The following LRRC4C variants were observed in gnomAD, a reference collection of about 807,000 sequenced individuals.
LRRC4C encodes leucine-rich repeat-containing protein 4C.
LRRC4C carries 5 observed loss-of-function variants against 33.6 expected under a neutral mutation model. The ratio of observed to expected loss-of-function variants is 0.15; its 90% CI spans 0.08 to 0.31. The LOEUF (loss-of-function observed/expected upper bound fraction) is 0.31, where lower values mean the gene tolerates loss of function less well. Among genes scored for constraint, LRRC4C ranks in the 10% least tolerant of loss-of-function variants. LRRC4C has a pLI of 1.00. For synonymous variants in LRRC4C, 329 were observed against 302.0 expected (o/e 1.09, Z -0.93); for missense variants, 560 against 796.7 (o/e 0.70, Z 3.58).
At chr11:40,472,040 A>G (rs1170829141) in intron 3 of LRRC4C, among the ~76,000 whole-genome samples, 2 of 152,124 alleles carry the variant, frequency 1.3e-5, no homozygotes, top group Non-Finnish European at 2.9e-5. Context: ...TCGCACCTGT[A>G]ATCCCAGCAC....
chr11:40,679,505 G>A (rs957874736), intron 2 of LRRC4C, among the ~76,000 whole-genome samples: 2 of 152,184 alleles, frequency 1.3e-5, no homozygotes, highest in Non-Finnish European at 2.9e-5. Flanking sequence ...GCAAAAAATT[G>A]TTTCATGGGC....
intron 1 of LRRC4C, among the ~76,000 whole-genome samples, chr11:41,060,928 A>G (rs1363067761): frequency 6.6e-6 from 1 of 151,966 alleles, no homozygotes; most frequent in African/African-American, 2.4e-5. Flanking sequence ...TCTGTTCCCA[A>G]TACCACAATA....
At chr11:40,280,890 C>G (rs919184333) in intron 4 of LRRC4C, among the ~76,000 whole-genome samples, 5 of 152,082 alleles carry the variant, frequency 3.3e-5, no homozygotes, top group African/African-American at 1.2e-4. Flanking sequence ...AACAGAAACC[C>G]GGATAGAAGA....
intron 3 of LRRC4C, among the ~76,000 whole-genome samples, chr11:40,346,676 C>A (rs535390154): frequency 6.6e-6 from 1 of 152,322 alleles, no homozygotes; most frequent in Non-Finnish European, 1.5e-5. Context: ...TGTAACAAAC[C>A]TGCACATGTG....
chr11:41,133,185 T>C (rs1943093585), intron 1 of LRRC4C, among the ~76,000 whole-genome samples: 1 of 152,116 alleles, frequency 6.6e-6, no homozygotes, highest in Admixed American at 6.6e-5. Flanking sequence ...GGCCAAAGAA[T>C]GTGAAGGTTT....
At chr11:41,264,589 A>T (rs1591101440) in intron 1 of LRRC4C, among the ~76,000 whole-genome samples, 4 of 152,270 alleles carry the variant, frequency 2.6e-5, no homozygotes, top group Admixed American at 2.6e-4. Flanking sequence ...AGAATGGAAA[A>T]TGTGGAATTG....
intron 3 of LRRC4C, among the ~76,000 whole-genome samples, chr11:40,546,644 T>C (rs554141974): frequency 6.6e-5 from 10 of 152,216 alleles, no homozygotes; most frequent in African/African-American, 2.4e-4. Flanking sequence ...TTGCAATGCA[T>C]ACTTGCTAAA....
intron 2 of LRRC4C, among the ~76,000 whole-genome samples, chr11:40,757,098 C>A (rs1191526117): frequency 1.3e-5 from 2 of 151,982 alleles, no homozygotes; most frequent in African/African-American, 4.8e-5. Context: ...CCCCTTTCCC[C>A]ATGCCAACTC....
intron 1 of LRRC4C, among the ~76,000 whole-genome samples, chr11:41,035,688 T>A (rs1857022996): frequency 6.6e-6 from 1 of 152,104 alleles, no homozygotes; most frequent in South Asian, 2.1e-4. Context: ...AATGTTAGAA[T>A]TGGGAATAAT....
chr11:40,547,030 C>A (rs901369108), intron 3 of LRRC4C, among the ~76,000 whole-genome samples: 1 of 152,104 alleles, frequency 6.6e-6, no homozygotes, highest in African/African-American at 2.4e-5. Flanking sequence ...ACACAGCCTT[C>A]GCTGTAAGTT....
At chr11:40,525,067 G>A (rs1277450680) in intron 3 of LRRC4C, among the ~76,000 whole-genome samples, 1 of 152,062 alleles carries the variant, frequency 6.6e-6, no homozygotes, top group Non-Finnish European at 1.5e-5. Context: ...AAGAAGAATA[G>A]TAAGAAAACA....
At chr11:40,833,791 G>T (rs2135566006) in intron 2 of LRRC4C, among the ~76,000 whole-genome samples, 1 of 151,938 alleles carries the variant, frequency 6.6e-6, no homozygotes, top group South Asian at 2.1e-4. Flanking sequence ...AATAATTTTT[G>T]AATTGTGGAT....
chr11:40,547,973 C>CT (rs1178804292), intron 3 of LRRC4C, among the ~76,000 whole-genome samples: 18 of 152,052 alleles, frequency 1.2e-4, no homozygotes, highest in African/African-American at 4.3e-4. Flanking sequence ...TCCCATAAGG[C>CT]TTTTAATCTA....
chr11:40,342,341 C>T (rs1004822524), intron 3 of LRRC4C, among the ~76,000 whole-genome samples: 27 of 152,002 alleles, frequency 1.8e-4, no homozygotes, highest in African/African-American at 6.0e-4. Flanking sequence ...TGGTGGTGCG[C>T]ACCTCTAGTC....
chr11:40,912,077 A>G (rs536508844), intron 2 of LRRC4C, among the ~76,000 whole-genome samples: 208 of 152,340 alleles, frequency 1.4e-3, no homozygotes, highest in African/African-American at 4.8e-3. Context: ...TGATTAGCGT[A>G]CCTGAAAGTG....
At chr11:40,180,054 T>A (rs4756582) in intron 5 of LRRC4C, among the ~76,000 whole-genome samples, 45,137 of 152,080 alleles carry the variant, frequency 0.3, 6,832 homozygotes, top group Non-Finnish European at 0.31. Flanking sequence ...AATAGATAAT[T>A]ACACCAATAC....
rs71060975 is a variant in LRRC4C at position 40,635,628 on chromosome 11, A to ATTTTTTTTTTTTTTTTTTTTTTTTTT, written c.-270+12488_-270+12513dup. 2.2e-5 allele frequency among the ~76,000 whole-genome samples: 2 copies of ATTTTTTTTTTTTTTTTTTTTTTTTTT among 92,198 alleles called. 1 individual carries two copies. Among genetic ancestry groups the ATTTTTTTTTTTTTTTTTTTTTTTTTT allele is most frequent in the African/African-American group, 8.1e-5 (2 of 24,764 alleles). 60.5% of individuals were successfully genotyped at this position (92,198 alleles called of 152,430 possible). ...ACTCCAGAAATTGAAAAAGAACCAA[A>ATTTTTTTTTTTTTTTTTTTTTTTTTT]TTTTTTTTTTTTTTTTTTTTTTTTT... On this transcript the variant is annotated intron_variant, in intron 3 of 6. Coordinates refer to ENST00000528697, the MANE Select transcript of LRRC4C (RefSeq NM_001258419.2).
intron 3 of LRRC4C, among the ~76,000 whole-genome samples, chr11:40,436,576 T>A (rs1417359701): frequency 6.6e-6 from 1 of 152,170 alleles, no homozygotes; most frequent in African/African-American, 2.4e-5. Flanking sequence ...GCCTGGTGTG[T>A]GCACCCAAGA....
intron 6 of LRRC4C, among the ~76,000 whole-genome samples, chr11:40,133,278 G>C (rs1856767574): frequency 6.6e-6 from 1 of 152,080 alleles, no homozygotes; most frequent in Non-Finnish European, 1.5e-5. Flanking sequence ...TTTATAATGA[G>C]CAATGCAATT....
Sources: allele counts gnomAD v4.1 joint callset (sites outside exome capture counted in the v4.1 genomes callset), GRCh38; gene constraint gnomAD v4.1.1; transcripts MANE v1.5; gene names NCBI Gene and HGNC (gene_info 2026-07-23, HGNC 2026-07-21).